Variants in SHISA9 observed in about 807,000 individuals in gnomAD.
SHISA9 encodes the protein protein shisa-9.
A neutral mutation model predicts 38.0 loss-of-function variants in SHISA9; 13 were observed. The observed-to-expected ratio is 0.34, with a 90% CI of 0.22 to 0.54. The LOEUF (loss-of-function observed/expected upper bound fraction) is 0.54, where lower values mean the gene tolerates loss of function less well. SHISA9 is among the 20% of genes least tolerant of loss of function. The pLI is 0.91. For missense variants in SHISA9, 538 were observed against 575.8 expected, an observed-to-expected ratio of 0.93 and a Z score of 0.67; for synonymous variants, 275 against 242.0, an observed-to-expected ratio of 1.14 and a Z score of -1.27.
At chr16:13,559,383 A>ATT in the SHISA9 span, among the ~76,000 whole-genome samples, 109 of 141,730 alleles carry the variant, frequency 7.7e-4, no homozygotes, top group Middle Eastern at 7.1e-3. Context: ...TGCATTTTCT[A>ATT]TTTTTTTTTT....
At chr16:13,415,162 ACT>A in the SHISA9 span, among the ~76,000 whole-genome samples, 4 of 152,224 alleles carry the variant, frequency 2.6e-5, no homozygotes. Flanking sequence ...TTTAGGCTGA[ACT>A]TAAATATGTA....
chr16:13,266,577 T>C, the SHISA9 span, among the ~76,000 whole-genome samples: 2 of 152,240 alleles, frequency 1.3e-5, no homozygotes, highest in Middle Eastern at 3.4e-3. Context: ...CCATTTGGAA[T>C]TGCTCAGGGA....
the SHISA9 span, among the ~76,000 whole-genome samples, chr16:13,364,142 C>T: frequency 1.3e-5 from 2 of 152,212 alleles, no homozygotes; most frequent in Non-Finnish European, 2.9e-5. Flanking sequence ...TATGTGTCAT[C>T]TTTATTGTCA....
the SHISA9 span, among the ~76,000 whole-genome samples, chr16:13,328,759 C>A: frequency 6.6e-6 from 1 of 152,116 alleles, no homozygotes; most frequent in Non-Finnish European, 1.5e-5. Context: ...AGGTGTGAGC[C>A]ACCATACCCA....
At chr16:13,019,888 T>TTTCC (rs1567184106) in intron 2 of SHISA9, among the ~76,000 whole-genome samples, 16 of 11,612 alleles carry the variant, frequency 1.4e-3, no homozygotes, top group African/African-American at 4.3e-3. Flanking sequence ...CCCTCCCTTC[T>TTTCC]TTCTTTCTTT....
At chr16:13,299,909 C>A in the SHISA9 span, among the ~76,000 whole-genome samples, 1 of 152,078 alleles carries the variant, frequency 6.6e-6, no homozygotes, top group Non-Finnish European at 1.5e-5. Flanking sequence ...GTTGTACATA[C>A]TCTATAGGGT....
At chr16:13,205,881 C>T (rs1437133949) in intron 3 of SHISA9, among the ~76,000 whole-genome samples, 1 of 152,042 alleles carries the variant, frequency 6.6e-6, no homozygotes, top group African/African-American at 2.4e-5. Context: ...CCTGCCTCAG[C>T]CTCCCGAGTA....
chr16:13,020,637 G>T (rs2072840773), intron 2 of SHISA9, among the ~76,000 whole-genome samples: 2 of 152,080 alleles, frequency 1.3e-5, no homozygotes, highest in Non-Finnish European at 2.9e-5. Context: ...AATTTACAGG[G>T]GACCCAATGT....
At chr16:13,394,818 C>T in the SHISA9 span, among the ~76,000 whole-genome samples, 3 of 152,230 alleles carry the variant, frequency 2.0e-5, no homozygotes, top group East Asian at 5.8e-4. Flanking sequence ...GGCAGCAATG[C>T]TTTGCTTTTT....
chr16:13,066,220 A>G (rs149286206), intron 2 of SHISA9, among the ~76,000 whole-genome samples: 111 of 152,334 alleles, frequency 7.3e-4, no homozygotes, highest in East Asian at 4.3e-3. Context: ...TACAGTGGAA[A>G]TATCTCTTTC....
At chr16:13,385,188 A>G in the SHISA9 span, among the ~76,000 whole-genome samples, 3 of 152,244 alleles carry the variant, frequency 2.0e-5, no homozygotes, top group Non-Finnish European at 4.4e-5. Flanking sequence ...TAATAAATTC[A>G]TAAGTTTCAG....
At chr16:13,142,735 C>T (rs949316681) in intron 2 of SHISA9, among the ~76,000 whole-genome samples, 8 of 152,068 alleles carry the variant, frequency 5.3e-5, no homozygotes, top group African/African-American at 1.4e-4. Flanking sequence ...CATTATTTCA[C>T]AGAGTGGGGG....
chr16:13,365,401 C>T, the SHISA9 span, among the ~76,000 whole-genome samples: 1 of 150,868 alleles, frequency 6.6e-6, no homozygotes, highest in Non-Finnish European at 1.5e-5. Flanking sequence ...AGGCATCATG[C>T]TAAACATTTA....
At chr16:12,952,003 CA>C (rs1567350577) in intron 2 of SHISA9, among the ~76,000 whole-genome samples, 2 of 152,232 alleles carry the variant, frequency 1.3e-5, no homozygotes, top group Non-Finnish European at 2.9e-5. Context: ...CAGGTCTGTG[CA>C]ACTGGTCTAC....
At chr16:13,533,304 AC>A in the SHISA9 span, among the ~76,000 whole-genome samples, 1 of 152,118 alleles carries the variant, frequency 6.6e-6, no homozygotes, top group Non-Finnish European at 1.5e-5. Context: ...TCTAGATTAA[AC>A]CCAGTACTTC....
the SHISA9 span, among the ~76,000 whole-genome samples, chr16:13,549,927 G>T: frequency 6.6e-6 from 1 of 151,882 alleles, no homozygotes; most frequent in Non-Finnish European, 1.5e-5. Context: ...GGAGGCTGAG[G>T]CAGGAGAATC....
chr16:13,162,298 G>A (rs1468222560), intron 2 of SHISA9, among the ~76,000 whole-genome samples: 3 of 152,080 alleles, frequency 2.0e-5, no homozygotes, highest in Non-Finnish European at 2.9e-5. Context: ...TTTATGAGTG[G>A]GTGTAGAATC....
intron 2 of SHISA9, among the ~76,000 whole-genome samples, chr16:12,927,745 A>G (rs1352499377): frequency 6.6e-6 from 1 of 151,892 alleles, no homozygotes; most frequent in Non-Finnish European, 1.5e-5. Context: ...TTTGGCCACA[A>G]AAGGACATGG....
In SHISA9 at chr16:13,086,872, T is replaced by C. The variant is rs532061817; in HGVS notation, c.692-116522T>C. On this transcript the variant is annotated intron_variant, in intron 2 of 4. Transcript: ENST00000558583. ...TTTCTTTTTTATTATTATTATACTT[T>C]AAGTTCTAGGGCACATGTGCCATGT... Among the ~76,000 whole-genome samples the C allele has an allele frequency of 9.1e-4, 138 of 152,184 alleles. 2 individuals are homozygous for C. The highest frequency in any genetic ancestry group is 6.8e-3 in the Middle Eastern group (2 of 292).
Sources: allele counts gnomAD v4.1 joint callset (sites outside exome capture counted in the v4.1 genomes callset), GRCh38; gene constraint gnomAD v4.1.1; transcripts MANE v1.5; gene names NCBI Gene and HGNC (gene_info 2026-07-23, HGNC 2026-07-21).